PREX1: variants seen among roughly 807,000 people sequenced by gnomAD.
The protein encoded by PREX1 is phosphatidylinositol 3,4,5-trisphosphate-dependent Rac exchanger 1 protein.
Under a neutral mutation model 198.3 loss-of-function variants are expected in PREX1, and 41 were observed. The observed-to-expected ratio is 0.21, with a 90% CI of 0.16 to 0.27. The LOEUF (loss-of-function observed/expected upper bound fraction) is 0.27. Among genes scored for constraint, PREX1 ranks in the 10% least tolerant of loss-of-function variants. The pLI is 1.00. For synonymous variants in PREX1, 843 were observed against 887.2 expected (o/e 0.95, Z 0.89); for missense variants, 1,620 against 2,200.7 (o/e 0.74, Z 5.28).
chr20:48,857,887 G>A, the PREX1 span, among the ~76,000 whole-genome samples: 1 of 152,236 alleles, frequency 6.6e-6, no homozygotes, highest in Admixed American at 6.5e-5. Context: ...AAGCAGCCAT[G>A]CCCAGAGCCA....
upstream of PREX1, among the ~76,000 whole-genome samples, chr20:48,832,053 G>A (rs2090538193): frequency 6.6e-6 from 1 of 151,740 alleles, no homozygotes; most frequent in Admixed American, 6.6e-5. Context: ...GTATGTCAGG[G>A]CAGGGCCTGA....
chr20:48,726,420 A>G, intron 4 of PREX1, 29 bp from the exon 5 acceptor site: 10 of 1,557,772 alleles, frequency 6.4e-6, no homozygotes, highest in Non-Finnish European at 8.8e-6. Flanking sequence ...CCTTCATGAA[A>G]CCCACCAAGG....
chr20:48,661,148 G>A (rs537318703), intron 15 of PREX1, among the ~76,000 whole-genome samples: 33 of 152,094 alleles, frequency 2.2e-4, no homozygotes, highest in African/African-American at 7.0e-4. Context: ...GGCCAGAGGC[G>A]GTGGCTCCGC....
intron 6 of PREX1, among the ~76,000 whole-genome samples, chr20:48,703,508 C>T (rs1241763004): frequency 6.6e-6 from 1 of 152,216 alleles, no homozygotes; most frequent in South Asian, 2.1e-4. Context: ...TTCATCATGG[C>T]CCATGCGCAG....
intron 15 of PREX1, among the ~76,000 whole-genome samples, chr20:48,662,803 G>A (rs1024723240): frequency 6.6e-6 from 1 of 152,176 alleles, no homozygotes; most frequent in Non-Finnish European, 1.5e-5. Flanking sequence ...GAGGAGCAGG[G>A]TCACGCCCTG....
chr20:48,661,011 G>C (rs2089586484), intron 15 of PREX1, among the ~76,000 whole-genome samples: 1 of 152,194 alleles, frequency 6.6e-6, no homozygotes, highest in South Asian at 2.1e-4. Flanking sequence ...ATTTGTATTT[G>C]TACTTGTATT....
chr20:48,659,974 T>C lies in PREX1; in HGVS notation c.1826A>G (p.Lys609Arg). 6.2e-7 allele frequency: 1 copy of C among 1,614,194 alleles called. No homozygotes were observed. Among genetic ancestry groups the C allele is most frequent in the Non-Finnish European group, 8.5e-7 (1 of 1,180,036 alleles). Residue 609 changes from lysine (K) to arginine (R), a missense_variant, in exon 16 of 40, where the codon AAA (lysine) becomes AGA (arginine). Lys to Arg is a conservative substitution (Grantham distance 26). Around this residue, in one of 7 missense-constraint regions of PREX1, gnomAD observed 488 missense variants for 802.5 expected, o/e 0.61. Coordinates refer to ENST00000371941, the MANE Select transcript of PREX1 (RefSeq NM_020820.4). Reference sequence around the variant, plus strand: ...CAGCTTGAAGTCGTTGCGAAGCTGTTTGTTCTTGCTGCTGGTCCCCTCCAT... The same window carrying C: ...CAGCTTGAAGTCGTTGCGAAGCTGTCTGTTCTTGCTGCTGGTCCCCTCCAT... ...EEMEGTSSKN[K>R]QLRNDFKLVE...
At chr20:48,702,221 A>G (rs2089878981) in intron 6 of PREX1, among the ~76,000 whole-genome samples, 1 of 151,698 alleles carries the variant, frequency 6.6e-6, no homozygotes, top group South Asian at 2.1e-4. Context: ...AAAAAAAAAA[A>G]AAAGATAAAG....
intron 30 of PREX1, 148 bp from the exon 31 acceptor site, chr20:48,637,900 G>A: frequency 3.1e-6 from 2 of 655,516 alleles, no homozygotes; most frequent in Non-Finnish European, 5.1e-6. Context: ...TGCTCAAGGA[G>A]GTTTTATTGA....
chr20:48,874,010 A>C, the PREX1 span, among the ~76,000 whole-genome samples: 1 of 152,102 alleles, frequency 6.6e-6, no homozygotes, highest in Non-Finnish European at 1.5e-5. Flanking sequence ...CAGCCTCCCG[A>C]GTAGCTGGGA....
At position 48,700,773 on chromosome 20, in the gene PREX1, G is replaced by C; in HGVS notation, c.897C>G (p.Val299=). The C allele has an allele frequency of 1.9e-6, 3 of 1,613,440 alleles. No homozygotes were observed. Among genetic ancestry groups the C allele is most frequent in the Non-Finnish European group, 2.5e-6 (3 of 1,180,018 alleles). Residue 299 remains valine, a synonymous_variant, in exon 7 of 40, where the codon GTC becomes GTG. Transcript: ENST00000371941. Reference sequence around the variant, plus strand: ...CTCACCTGGATTTCCGCTTGCAGTAGACGAGAAGGTTGTCGAAGAGGAAGA... The same window carrying C: ...CTCACCTGGATTTCCGCTTGCAGTACACGAGAAGGTTGTCGAAGAGGAAGA... ...RAFFLFDNLL[V]YCKRKSRVTG...
the PREX1 span, among the ~76,000 whole-genome samples, chr20:48,847,512 C>T: frequency 3.3e-5 from 5 of 152,214 alleles, no homozygotes; most frequent in South Asian, 2.1e-4. Flanking sequence ...GTGTGCATCA[C>T]GGAAACCTTG....
the PREX1 span, among the ~76,000 whole-genome samples, chr20:48,882,525 A>AAAAAAAAAAAAAAAG: frequency 1.0e-5 from 1 of 97,814 alleles, no homozygotes. Context: ...AAAAAAAAAA[A>AAAAAAAAAAAAAAAG]AGAGAGAATC....
intron 6 of PREX1, among the ~76,000 whole-genome samples, chr20:48,704,396 G>C (rs1029204347): frequency 6.6e-6 from 1 of 152,212 alleles, no homozygotes; most frequent in Non-Finnish European, 1.5e-5. Context: ...CTTTTGTATT[G>C]ATTTTGTTTC....
In PREX1 at chr20:48,651,456, G is replaced by A. The variant is rs754071526; in HGVS notation, c.2595C>T (p.Val865=). Residue 865 remains valine (V), a synonymous_variant, in exon 22 of 40, where the codon GTC becomes GTT. Coordinates refer to ENST00000371941, the MANE Select transcript of PREX1 (RefSeq NM_020820.4). ...VVYEYVSTAG[V]RCHVLEKIVE... is the part of the protein sequence containing the mutation. ...CGATCTTCTCCAGCACATGGCACCT[G>A]ACGCCTGCCGTGCTCACATACTCAT... is the stretch of plus-strand genomic sequence containing the variant. The A allele has an allele frequency of 5.0e-6, 8 of 1,614,022 alleles. No individual in the cohort carries two copies. Among genetic ancestry groups the A allele is most frequent in the Non-Finnish European group, 6.8e-6 (8 of 1,179,940 alleles).
chr20:48,882,501 CAAAAAAAAAAA>C, the PREX1 span, among the ~76,000 whole-genome samples: 4 of 66,852 alleles, frequency 6.0e-5, no homozygotes, highest in African/African-American at 1.9e-4. Context: ...GACTCCGTCT[CAAAAAAAAAAA>C]AAAAAAAAAA....
intron 18 of PREX1, 124 bp from the exon 19 acceptor site, chr20:48,655,499 G>A (rs2089535994): frequency 2.6e-6 from 2 of 768,336 alleles, no homozygotes; most frequent in African/African-American, 1.9e-5. Flanking sequence ...GCCCAAAATA[G>A]TAGTAGCACC....
At chr20:48,656,484 A>T (rs1270641822) in intron 18 of PREX1, 1 of 456,682 alleles carries the variant, frequency 2.2e-6, no homozygotes, top group East Asian at 7.0e-5. Flanking sequence ...TCACTGCTCC[A>T]GCCCCATCAG....
At position 48,765,761 on chromosome 20, in the gene PREX1, G is replaced by A. The variant is rs578190330; in HGVS notation, c.220-17881C>T. Among the ~76,000 whole-genome samples, 31 of 152,236 alleles carry A rather than the reference G, an allele frequency of 2.0e-4. No homozygotes were observed. The South Asian group carries it at 2.1e-3, about 10-fold the overall frequency. ...AGGGGAAGGAGAATAGTGTAGCCTCGTGGGAAGACCAGGAGTTGGGAGGCC... is the reference window on the plus strand; with the variant it reads ...AGGGGAAGGAGAATAGTGTAGCCTCATGGGAAGACCAGGAGTTGGGAGGCC... On this transcript the variant is annotated intron_variant, in intron 1 of 39. Coordinates refer to ENST00000371941, the MANE Select transcript of PREX1 (RefSeq NM_020820.4).
Sources: allele counts gnomAD v4.1 joint callset (sites outside exome capture counted in the v4.1 genomes callset), GRCh38; gene constraint gnomAD v4.1.1; regional missense constraint gnomAD v4.1.1; transcripts MANE v1.5; gene names NCBI Gene and HGNC (gene_info 2026-07-23, HGNC 2026-07-21).